Variants in DGKB observed in about 807,000 individuals in gnomAD.
DGKB encodes the protein diacylglycerol kinase beta.
In DGKB, 67 loss-of-function variants were observed where a neutral mutation model predicts 114.3. The observed-to-expected ratio is 0.59, with a 90% CI of 0.48 to 0.72. The LOEUF is 0.72. DGKB is among the 30% of genes least tolerant of loss of function. The pLI, the probability that DGKB is intolerant of heterozygous loss-of-function variation, is 0.00. For synonymous variants in DGKB, 398 were observed against 323.1 expected, an observed-to-expected ratio of 1.23 and a Z score of -2.49; for missense variants, 907 against 975.2, an observed-to-expected ratio of 0.93 and a Z score of 0.93.
intron 5 of DGKB, among the ~76,000 whole-genome samples, chr7:14,729,885 T>C (rs971909847): frequency 6.6e-6 from 1 of 152,218 alleles, no homozygotes; most frequent in Admixed American, 6.5e-5. Flanking sequence ...ATAGGATGCA[T>C]GAATTAATGA....
intron 21 of DGKB, among the ~76,000 whole-genome samples, chr7:14,349,113 T>C (rs970617277): frequency 1.3e-5 from 2 of 152,058 alleles, no homozygotes; most frequent in Non-Finnish European, 2.9e-5. Context: ...ACTGTAGTTA[T>C]TGCAATAATT....
intron 1 of DGKB, among the ~76,000 whole-genome samples, chr7:14,928,293 A>C (rs1162907750): frequency 6.6e-6 from 1 of 151,908 alleles, no homozygotes; most frequent in Non-Finnish European, 1.5e-5. Context: ...TATTCAAAAA[A>C]CTTTAACCAT....
Position 14,309,022 on chromosome 7 carries a change from C to T in DGKB, c.2122+29493G>A, listed in dbSNP as rs1804933132. 3.3e-5 allele frequency among the ~76,000 whole-genome samples: 5 copies of T among 152,136 alleles called. No homozygotes were observed. The South Asian group carries it at 1.0e-3, about 32-fold the overall frequency. The stretch of plus-strand genomic sequence containing the variant: ...CTTGAGCCCAGGAGTTCCAGACCAG[C>T]CTCGGCAACATGGTAAGGCCTCATC... On this transcript the variant is annotated intron_variant, in intron 23 of 25. Transcript: ENST00000402815.
At chr7:14,777,586 G>A (rs1838395035) in intron 2 of DGKB, among the ~76,000 whole-genome samples, 1 of 152,134 alleles carries the variant, frequency 6.6e-6, no homozygotes, top group African/African-American at 2.4e-5. Context: ...CTGCTGCCAT[G>A]TGAAGAAGGG....
chr7:14,951,120 C>G (rs1348908087), intron 1 of DGKB, among the ~76,000 whole-genome samples: 1 of 147,946 alleles, frequency 6.8e-6, no homozygotes, highest in African/African-American at 2.7e-5. Flanking sequence ...TAAAGGGCAT[C>G]TATAAATTCC....
At chr7:14,366,394 C>T (rs1427556522) in intron 21 of DGKB, among the ~76,000 whole-genome samples, 2 of 152,092 alleles carry the variant, frequency 1.3e-5, no homozygotes, top group African/African-American at 2.4e-5. Flanking sequence ...GAGTTGCTTA[C>T]ATCTGATGAG....
chr7:14,154,966 A>T (rs1022333420), intron 25 of DGKB, among the ~76,000 whole-genome samples: 2 of 151,920 alleles, frequency 1.3e-5, no homozygotes, highest in Non-Finnish European at 1.5e-5. Context: ...TCCAAATGTG[A>T]TCCACAGGCT....
At chr7:14,803,743 G>C (rs1272469266) in intron 2 of DGKB, among the ~76,000 whole-genome samples, 1 of 152,030 alleles carries the variant, frequency 6.6e-6, no homozygotes, top group Non-Finnish European at 1.5e-5. Context: ...GATAGATAAA[G>C]CTTTCTGTAT....
At chr7:14,293,261 CAAG>C (rs1014052532) in intron 23 of DGKB, among the ~76,000 whole-genome samples, 1 of 152,094 alleles carries the variant, frequency 6.6e-6, no homozygotes, top group African/African-American at 2.4e-5. Flanking sequence ...GAAATCATGT[CAAG>C]AAGAACAGTT....
intron 1 of DGKB, among the ~76,000 whole-genome samples, chr7:14,937,359 A>T (rs549025697): frequency 6.6e-6 from 1 of 152,218 alleles, no homozygotes; most frequent in Non-Finnish European, 1.5e-5. Flanking sequence ...TATTTACAAG[A>T]ATCCAGGTAC....
intron 21 of DGKB, among the ~76,000 whole-genome samples, chr7:14,434,320 G>A (rs1258625724): frequency 6.6e-6 from 1 of 152,082 alleles, no homozygotes; most frequent in African/African-American, 2.4e-5. Context: ...ATAGTAAAGT[G>A]GGCTTTGAAG....
intron 1 of DGKB, among the ~76,000 whole-genome samples, chr7:14,922,149 G>T (rs185317432): frequency 5.9e-5 from 9 of 152,182 alleles, no homozygotes; most frequent in African/African-American, 9.6e-5. Context: ...AAAAAAAATG[G>T]AAAGAAAAGC....
chr7:14,571,812 G>C (rs976453351), intron 20 of DGKB, among the ~76,000 whole-genome samples: 1 of 152,156 alleles, frequency 6.6e-6, no homozygotes, highest in South Asian at 2.1e-4. Flanking sequence ...GTGTTTGAGC[G>C]CAATCTCTAG....
At chr7:14,863,921 G>T (rs1213163430) in intron 1 of DGKB, among the ~76,000 whole-genome samples, 1 of 151,944 alleles carries the variant, frequency 6.6e-6, no homozygotes, top group African/African-American at 2.4e-5. Flanking sequence ...CCAACATGGA[G>T]AAACCCCATC....
At chr7:14,591,326 T>A (rs1173101926) in intron 17 of DGKB, among the ~76,000 whole-genome samples, 1 of 152,164 alleles carries the variant, frequency 6.6e-6, no homozygotes, top group Non-Finnish European at 1.5e-5. Context: ...CATTTTGCAA[T>A]GAAATCATGC....
chr7:14,935,841 G>A (rs1237573288), intron 1 of DGKB, among the ~76,000 whole-genome samples: 1 of 151,712 alleles, frequency 6.6e-6, no homozygotes, highest in Non-Finnish European at 1.5e-5. Flanking sequence ...CTCAAAACAA[G>A]TCATCCTAGA....
At chr7:14,304,556 C>A (rs546019316) in intron 23 of DGKB, among the ~76,000 whole-genome samples, 2 of 152,216 alleles carry the variant, frequency 1.3e-5, no homozygotes, top group African/African-American at 4.8e-5. Flanking sequence ...CATTACAGCC[C>A]AAACAGATTG....
At chr7:14,678,086 T>C (rs756182198) in intron 12 of DGKB, among the ~76,000 whole-genome samples, 1 of 152,050 alleles carries the variant, frequency 6.6e-6, no homozygotes, top group Non-Finnish European at 1.5e-5. Context: ...AAACAAAACT[T>C]AAATAGTACA....
At chr7:14,845,804 C>A (rs1586877305) in intron 1 of DGKB, among the ~76,000 whole-genome samples, 1 of 151,486 alleles carries the variant, frequency 6.6e-6, no homozygotes, top group East Asian at 1.9e-4. Context: ...GGACTACATC[C>A]ATTTTCTTCA....
Sources: gnomAD v4.1 joint callset for allele counts (sites outside exome capture counted in the v4.1 genomes callset) on GRCh38, gnomAD v4.1.1 for gene constraint, MANE v1.5 for transcripts, NCBI Gene and HGNC (gene_info 2026-07-23, HGNC 2026-07-21) for gene names.